CTNNA3: variants seen among roughly 807,000 people sequenced by gnomAD.
The protein encoded by CTNNA3 is catenin alpha-3.
Under a neutral mutation model 95.7 loss-of-function variants are expected in CTNNA3, and 76 were observed. The observed-to-expected ratio is 0.79, with a 90% CI of 0.66 to 0.96. The LOEUF is 0.96. CTNNA3 is among the 40% of genes least tolerant of loss of function. The pLI is 0.00. For missense variants in CTNNA3, 1,191 were observed against 1,089.8 expected (o/e 1.09, Z -1.31); for synonymous variants, 431 against 374.4 (o/e 1.15, Z -1.74).
intron 7 of CTNNA3, among the ~76,000 whole-genome samples, chr10:66,998,841 A>G (rs905346695): frequency 6.6e-6 from 1 of 152,140 alleles, no homozygotes; most frequent in Admixed American, 6.6e-5. Context: ...CAAATAATGC[A>G]ACTAAGAAGT....
At chr10:66,207,770 G>C (rs373596612) in intron 13 of CTNNA3, among the ~76,000 whole-genome samples, 7 of 151,978 alleles carry the variant, frequency 4.6e-5, no homozygotes, top group Non-Finnish European at 8.8e-5. Flanking sequence ...AAGGACTAGG[G>C]CTTGTAATGA....
Position 67,355,307 on chromosome 10 carries a change from T to C in CTNNA3, c.580-135437A>G, listed in dbSNP as rs183593345. Among the ~76,000 whole-genome samples the C allele has an allele frequency of 1.6e-3, 239 of 152,160 alleles. 1 individual carries two copies. Among genetic ancestry groups the C allele is most frequent in the Non-Finnish European group, 3.0e-3 (205 of 67,938 alleles). ...ATTTCATGAGATAGGCAGAAGGAAG[T>C]AGTTGTTGGTGAAACACTCACTCAT... On this transcript the variant is annotated intron_variant, in intron 5 of 17. Coordinates refer to ENST00000433211, the MANE Select transcript of CTNNA3 (RefSeq NM_013266.4).
intron 13 of CTNNA3, among the ~76,000 whole-genome samples, chr10:66,180,360 G>T (rs1035702359): frequency 2.6e-5 from 4 of 152,128 alleles, no homozygotes; most frequent in African/African-American, 9.7e-5. Context: ...AGATAATTCT[G>T]CTCCAAAATC....
At chr10:67,747,988 C>T (rs1029698412) in intron 1 of CTNNA3, among the ~76,000 whole-genome samples, 9 of 151,964 alleles carry the variant, frequency 5.9e-5, no homozygotes, top group East Asian at 3.9e-4. Flanking sequence ...ATCAATGAAG[C>T]GGAAGAAAGA....
At chr10:66,119,429 A>G (rs967758870) in intron 13 of CTNNA3, among the ~76,000 whole-genome samples, 1 of 152,182 alleles carries the variant, frequency 6.6e-6, no homozygotes, top group Non-Finnish European at 1.5e-5. Flanking sequence ...TCTAATGTTT[A>G]CAAATTGTTA....
At chr10:66,644,334 T>C (rs1381095718) in intron 9 of CTNNA3, among the ~76,000 whole-genome samples, 1 of 147,822 alleles carries the variant, frequency 6.8e-6, no homozygotes, top group Non-Finnish European at 1.5e-5. Context: ...AAAATAATAC[T>C]TTACATATAT....
At chr10:67,762,809 G>A (rs1841469362) in intron 1 of CTNNA3, among the ~76,000 whole-genome samples, 1 of 152,188 alleles carries the variant, frequency 6.6e-6, no homozygotes, top group African/African-American at 2.4e-5. Context: ...GTTATCTACA[G>A]ATTAGGGACA....
intron 7 of CTNNA3, among the ~76,000 whole-genome samples, chr10:67,013,383 T>TA (rs1418686905): frequency 6.6e-6 from 1 of 151,938 alleles, no homozygotes; most frequent in Non-Finnish European, 1.5e-5. Flanking sequence ...TTGTTAAAAC[T>TA]AAAAAAATTA....
intron 5 of CTNNA3, among the ~76,000 whole-genome samples, chr10:67,360,435 C>G (rs1034515300): frequency 7.9e-6 from 1 of 126,082 alleles, no homozygotes; most frequent in African/African-American, 2.9e-5. Flanking sequence ...AAAAAAAAAA[C>G]AAGAACCAAA....
chr10:66,269,976 C>T (rs2091241609), intron 13 of CTNNA3, among the ~76,000 whole-genome samples: 1 of 152,102 alleles, frequency 6.6e-6, no homozygotes, highest in African/African-American at 2.4e-5. Flanking sequence ...AAATACAATG[C>T]TTAGTACACA....
At chr10:67,230,427 C>A (rs914945228) in intron 5 of CTNNA3, among the ~76,000 whole-genome samples, 1 of 152,014 alleles carries the variant, frequency 6.6e-6, no homozygotes, top group Non-Finnish European at 1.5e-5. Flanking sequence ...AAAGCAAATA[C>A]AAAGATAAAC....
intron 15 of CTNNA3, among the ~76,000 whole-genome samples, chr10:66,014,170 A>G (rs2079053303): frequency 6.6e-6 from 1 of 152,134 alleles, no homozygotes; most frequent in South Asian, 2.1e-4. Context: ...TAACAAAATG[A>G]AAGTCCTACG....
At chr10:66,748,562 C>T (rs927212094) in intron 9 of CTNNA3, among the ~76,000 whole-genome samples, 2 of 152,124 alleles carry the variant, frequency 1.3e-5, no homozygotes, top group African/African-American at 4.8e-5. Context: ...TTAAAATTTT[C>T]ATGAATAAAA....
chr10:67,158,753 C>G (rs917256445), intron 7 of CTNNA3, among the ~76,000 whole-genome samples: 2 of 151,820 alleles, frequency 1.3e-5, no homozygotes. Context: ...TGTACTTCTT[C>G]AAATGATAAA....
At chr10:67,306,644 G>A (rs903239526) in intron 5 of CTNNA3, among the ~76,000 whole-genome samples, 1 of 152,164 alleles carries the variant, frequency 6.6e-6, no homozygotes, top group Non-Finnish European at 1.5e-5. Context: ...TGCGTGTGCT[G>A]ATGATATTTT....
At chr10:66,606,584 A>G (rs1301166212) in intron 10 of CTNNA3, among the ~76,000 whole-genome samples, 1 of 152,116 alleles carries the variant, frequency 6.6e-6, no homozygotes, top group African/African-American at 2.4e-5. Flanking sequence ...ACTACATCGC[A>G]ATCAAATTAG....
chr10:67,154,398 A>G (rs1242995639), intron 7 of CTNNA3, among the ~76,000 whole-genome samples: 1 of 152,190 alleles, frequency 6.6e-6, no homozygotes, highest in Non-Finnish European at 1.5e-5. Context: ...ACATCTCACA[A>G]TTCAACTTCA....
chr10:66,886,046 G>A (rs142002118), intron 7 of CTNNA3, among the ~76,000 whole-genome samples: 115 of 152,036 alleles, frequency 7.6e-4, no homozygotes, highest in African/African-American at 2.6e-3. Flanking sequence ...CCTTACTGCC[G>A]CCATAACCTC....
intron 3 of CTNNA3, among the ~76,000 whole-genome samples, chr10:67,559,314 G>C (rs1841391887): frequency 6.6e-6 from 1 of 152,220 alleles, no homozygotes; most frequent in Non-Finnish European, 1.5e-5. Flanking sequence ...TGATCAGACA[G>C]TAGCATTCAC....
Sources: gnomAD v4.1 joint callset for allele counts (sites outside exome capture counted in the v4.1 genomes callset) on GRCh38, gnomAD v4.1.1 for gene constraint, MANE v1.5 for transcripts, NCBI Gene and HGNC (gene_info 2026-07-23, HGNC 2026-07-21) for gene names.